The following SGCD variants were observed in gnomAD, a reference collection of about 807,000 sequenced individuals.
The protein encoded by SGCD is delta-sarcoglycan.
Under a neutral mutation model 36.6 loss-of-function variants are expected in SGCD, and 18 were observed. That is an observed-to-expected ratio of 0.49 (90% CI 0.34 to 0.73). SGCD has a LOEUF of 0.73. SGCD is among the 30% of genes least tolerant of loss of function. The probability of loss-of-function intolerance (pLI) is 0.01; values close to 1 mark genes in which losing one functional copy is unlikely to be tolerated. For synonymous variants in SGCD, 133 were observed against 130.6 expected (o/e 1.02, Z -0.12); for missense variants, 387 against 346.7 (o/e 1.12, Z -0.92).
chr5:156,452,971 A>G (rs1754088820), intron 3 of SGCD, among the ~76,000 whole-genome samples: 1 of 152,176 alleles, frequency 6.6e-6, no homozygotes, highest in Non-Finnish European at 1.5e-5. Context: ...ATCTTAAGCT[A>G]CATTAGGTAG....
chr5:156,589,775 G>A (rs1473109355), intron 5 of SGCD, among the ~76,000 whole-genome samples: 2 of 152,178 alleles, frequency 1.3e-5, no homozygotes, highest in Admixed American at 6.5e-5. Flanking sequence ...TTTGCTGTAC[G>A]TGCTGACTTT....
chr5:155,917,664 C>T (rs543025499), intron 1 of SGCD, among the ~76,000 whole-genome samples: 5 of 152,180 alleles, frequency 3.3e-5, no homozygotes, highest in South Asian at 2.1e-4. Flanking sequence ...AATACCAAGA[C>T]GTCAGGCAGA....
chr5:156,468,041 A>C (rs1334898125), intron 3 of SGCD, among the ~76,000 whole-genome samples: 1 of 152,164 alleles, frequency 6.6e-6, no homozygotes, highest in Non-Finnish European at 1.5e-5. Flanking sequence ...ATAACTATAA[A>C]ATGGGGTTAA....
intron 3 of SGCD, among the ~76,000 whole-genome samples, chr5:156,221,001 G>GA (rs1764703745): frequency 6.6e-6 from 1 of 152,148 alleles, no homozygotes; most frequent in East Asian, 1.9e-4. Flanking sequence ...CTCTTGTCAG[G>GA]AAAAAACAAA....
intron 3 of SGCD, among the ~76,000 whole-genome samples, chr5:156,376,736 A>G (rs990269097): frequency 2.6e-5 from 4 of 152,194 alleles, no homozygotes; most frequent in African/African-American, 9.7e-5. Flanking sequence ...GGAGAAAATT[A>G]TACTTTTAGG....
chr5:156,742,901 T>C (rs972758197), intron 7 of SGCD, among the ~76,000 whole-genome samples: 5 of 152,304 alleles, frequency 3.3e-5, no homozygotes, highest in Non-Finnish European at 7.4e-5. Flanking sequence ...GAACCTGTTT[T>C]ATTCTTCAGA....
At chr5:156,035,297 G>A (rs930578739) in intron 1 of SGCD, among the ~76,000 whole-genome samples, 19 of 152,138 alleles carry the variant, frequency 1.2e-4, no homozygotes, top group Non-Finnish European at 2.8e-4. Context: ...GGTTAAAACA[G>A]TAATTTTGTC....
At chr5:156,178,190 C>T (rs1284054720) in intron 3 of SGCD, among the ~76,000 whole-genome samples, 1 of 151,988 alleles carries the variant, frequency 6.6e-6, no homozygotes, top group East Asian at 1.9e-4. Context: ...ATGCATGTGG[C>T]TTTCTCACCA....
chr5:155,864,355 A>G, the SGCD span, among the ~76,000 whole-genome samples: 1 of 152,296 alleles, frequency 6.6e-6, no homozygotes, highest in East Asian at 1.9e-4. Context: ...GAGAAGAGGC[A>G]TAATTTCATT....
At chr5:155,840,238 T>C in the SGCD span, among the ~76,000 whole-genome samples, 86 of 151,318 alleles carry the variant, frequency 5.7e-4, no homozygotes, top group African/African-American at 1.9e-3. Context: ...GGTTTTTTGT[T>C]TTGCCTTTTT....
the SGCD span, among the ~76,000 whole-genome samples, chr5:155,793,144 A>T: frequency 6.6e-6 from 1 of 152,354 alleles, no homozygotes. Context: ...TAAGGAAATT[A>T]ATGCAGCAAC....
chr5:155,930,672 T>C (rs1757082367), intron 1 of SGCD, among the ~76,000 whole-genome samples: 1 of 152,196 alleles, frequency 6.6e-6, no homozygotes, highest in Admixed American at 6.5e-5. Flanking sequence ...GTTCCACATT[T>C]ATTATGTATG....
At chr5:156,226,293 C>T (rs1024822525) in intron 3 of SGCD, among the ~76,000 whole-genome samples, 1 of 152,146 alleles carries the variant, frequency 6.6e-6, no homozygotes. Context: ...TAGCTTAGCT[C>T]TCACTTATGA....
intron 1 of SGCD, among the ~76,000 whole-genome samples, chr5:155,898,817 CTT>C (rs1162917734): frequency 6.6e-6 from 1 of 152,184 alleles, no homozygotes; most frequent in Non-Finnish European, 1.5e-5. Context: ...AGGAAACTCT[CTT>C]AACACACTTC....
intron 3 of SGCD, among the ~76,000 whole-genome samples, chr5:156,291,411 A>T (rs1358220665): frequency 6.6e-6 from 1 of 152,114 alleles, no homozygotes; most frequent in South Asian, 2.1e-4. Context: ...TAAAATAATG[A>T]ATCAATAAAA....
rs34726270 is a variant in SGCD, at chr5:156,728,508, CAAAAAAAAA to C, written c.576-29053_576-29045del. ...CCTGGGTGACAGAGCGAGACTCTGT[CAAAAAAAAA>C]AAAAAAAAAAAAAAAAAAAGGTAGA... On this transcript the variant is annotated intron_variant, in intron 7 of 8. Transcript: ENST00000337851. 4.5e-4 allele frequency among the ~76,000 whole-genome samples: 21 copies of C among 46,556 alleles called. 1 individual carries two copies. In the South Asian group the frequency reaches 0.016, roughly 36 times the overall value. The allele number at this position is 46,556 out of a possible 152,430, so 30.5% of individuals were successfully genotyped here.
At chr5:156,672,125 G>A (rs138455070) in intron 7 of SGCD, among the ~76,000 whole-genome samples, 8 of 152,294 alleles carry the variant, frequency 5.3e-5, no homozygotes, top group African/African-American at 1.9e-4. Context: ...GTCAGAATCT[G>A]TAGGTATTTT....
chr5:156,452,823 G>T (rs1411769209), intron 3 of SGCD, among the ~76,000 whole-genome samples: 2 of 152,142 alleles, frequency 1.3e-5, no homozygotes, highest in Non-Finnish European at 2.9e-5. Flanking sequence ...GTAGATAAAT[G>T]TGAGATATTA....
chr5:156,207,766 G>A (rs1396408030), intron 3 of SGCD, among the ~76,000 whole-genome samples: 1 of 152,082 alleles, frequency 6.6e-6, no homozygotes, highest in Non-Finnish European at 1.5e-5. Context: ...GCCAGAGGCA[G>A]AAAGAAAACA....
Sources: gnomAD v4.1 joint callset for allele counts (sites outside exome capture counted in the v4.1 genomes callset) on GRCh38, gnomAD v4.1.1 for gene constraint, MANE v1.5 for transcripts, NCBI Gene and HGNC (gene_info 2026-07-23, HGNC 2026-07-21) for gene names.